Variants in LRIG1 observed in about 807,000 individuals in gnomAD.
The protein encoded by LRIG1 is leucine rich repeats and immunoglobulin like domains 1.
In LRIG1, 48 loss-of-function variants were observed where a neutral mutation model predicts 99.2. That is an observed-to-expected ratio of 0.48 (90% CI 0.38 to 0.62). The LOEUF is 0.62. LRIG1 is among the 20% of genes least tolerant of loss of function. The pLI, the probability that LRIG1 is intolerant of heterozygous loss-of-function variation, is 0.00. For missense variants in LRIG1, 1,646 were observed against 1,434.4 expected (o/e 1.15, Z -2.38); for synonymous variants, 772 against 596.1 (o/e 1.29, Z -4.30).
intron 1 of LRIG1, among the ~76,000 whole-genome samples, chr3:66,466,376 C>A (rs762123596): frequency 1.9e-4 from 29 of 152,164 alleles, no homozygotes; most frequent in Non-Finnish European, 3.2e-4. Flanking sequence ...AACTAATATT[C>A]CCATGTATGT....
intron 11 of LRIG1, 29 bp downstream of exon 11, chr3:66,398,083 A>G (rs1042961559): frequency 1.9e-6 from 3 of 1,568,532 alleles, no homozygotes; most frequent in Non-Finnish European, 2.6e-6. Flanking sequence ...CACTACCATT[A>G]ATCAGACCCA....
intron 15 of LRIG1, 95 bp downstream of exon 15, chr3:66,382,887 C>A (rs570777821): frequency 1.3e-4 from 147 of 1,143,496 alleles, no homozygotes; most frequent in Non-Finnish European, 1.8e-4. Context: ...GAACACAGTG[C>A]AATTCTTTCA....
intron 3 of LRIG1, among the ~76,000 whole-genome samples, chr3:66,443,379 T>C (rs1429188180): frequency 2.0e-5 from 3 of 147,200 alleles, no homozygotes; most frequent in African/African-American, 7.9e-5. Flanking sequence ...GGTGTGTGTG[T>C]GCACAAATTG....
At position 66,380,794 on chromosome 3, in the gene LRIG1, G is replaced by T; in HGVS notation, c.2838C>A (p.Ala946=). The part of the protein sequence containing the change: ...TEVDCYSRGQ[A]FHPQPVSRDS... ...CTCTGGACACAGGCTGGGGGTGGAA[G>T]GCTTGTCCCCTGGAGTAACAGTCCA... Residue 946 remains alanine (A), a synonymous_variant, in exon 18 of 19, where the codon GCC becomes GCA. Coordinates refer to ENST00000273261, the MANE Select transcript of LRIG1 (RefSeq NM_015541.3). 6.2e-7 allele frequency: 1 copy of T among 1,614,224 alleles called. No homozygotes were observed. The highest frequency in any genetic ancestry group is 8.5e-7 in the Non-Finnish European group (1 of 1,180,042).
chr3:66,414,905 G>T lies in LRIG1; in HGVS notation c.647+15C>A. ...TTTGGCTAGCCTTAATTAAAGTGTA[G>T]GTTTCTGTACTCACAGTTGTGTCAG... On this transcript the variant is annotated intron_variant, in intron 5 of 18. Coordinates refer to ENST00000273261, the MANE Select transcript of LRIG1 (RefSeq NM_015541.3). 1 of 1,567,162 alleles carries T rather than the reference G, an allele frequency of 6.4e-7. No homozygotes were observed. Among genetic ancestry groups the T allele is most frequent in the Non-Finnish European group, 8.6e-7 (1 of 1,159,958 alleles).
At chr3:66,493,156 T>C (rs1701143160) in intron 1 of LRIG1, among the ~76,000 whole-genome samples, 1 of 152,190 alleles carries the variant, frequency 6.6e-6, no homozygotes, top group Non-Finnish European at 1.5e-5. Context: ...GTCTGTAACT[T>C]AACCCTGTTT....
chr3:66,479,532 G>A (rs1700800313), intron 1 of LRIG1, among the ~76,000 whole-genome samples: 2 of 152,180 alleles, frequency 1.3e-5, no homozygotes, highest in African/African-American at 4.8e-5. Context: ...CTACCAACCA[G>A]GGGAATACCC....
At chr3:66,406,532 C>T (rs544537179) in intron 8 of LRIG1, 142 of 468,934 alleles carry the variant, frequency 3.0e-4, no homozygotes, top group African/African-American at 2.8e-3. Flanking sequence ...GGCCTCCCTC[C>T]CTGTCACACT....
At chr3:66,459,408 G>A (rs991017573) in intron 2 of LRIG1, among the ~76,000 whole-genome samples, 1 of 152,210 alleles carries the variant, frequency 6.6e-6, no homozygotes, top group African/African-American at 2.4e-5. Context: ...AAAGGACCTG[G>A]CCTCTGGCCA....
chr3:66,480,684 A>C (rs914169759), intron 1 of LRIG1, among the ~76,000 whole-genome samples: 1 of 152,188 alleles, frequency 6.6e-6, no homozygotes, highest in Non-Finnish European at 1.5e-5. Context: ...AGCTCTGTCC[A>C]TGAGTCCATC....
At chr3:66,435,197 A>G (rs1420984952) in intron 3 of LRIG1, among the ~76,000 whole-genome samples, 2 of 152,240 alleles carry the variant, frequency 1.3e-5, no homozygotes, top group Non-Finnish European at 2.9e-5. Flanking sequence ...AAGGTTATCC[A>G]TACTTTATTA....
At chr3:66,404,532 T>C (rs967680592) in intron 9 of LRIG1, 8 of 639,636 alleles carry the variant, frequency 1.3e-5, no homozygotes, top group Non-Finnish European at 1.7e-5. Context: ...AACAAGCAAA[T>C]CCTGAGCCTG....
chr3:66,381,156 T>C (rs894670290), intron 17 of LRIG1, among the ~76,000 whole-genome samples: 4 of 152,190 alleles, frequency 2.6e-5, no homozygotes, highest in Admixed American at 6.5e-5. Flanking sequence ...TTGGGTCTTT[T>C]CAACAATTAG....
chr3:66,479,962 G>A (rs1180077474), intron 1 of LRIG1, among the ~76,000 whole-genome samples: 1 of 152,158 alleles, frequency 6.6e-6, no homozygotes, highest in African/African-American at 2.4e-5. Flanking sequence ...TATGCCCGAG[G>A]TATATACTCA....
intron 2 of LRIG1, among the ~76,000 whole-genome samples, chr3:66,452,531 T>A (rs9818858): frequency 5.9e-5 from 9 of 152,154 alleles, no homozygotes; most frequent in African/African-American, 1.9e-4. Flanking sequence ...GGTGATGGGC[T>A]AGAAAGAAAT....
intron 5 of LRIG1, among the ~76,000 whole-genome samples, chr3:66,414,320 C>G (rs1256881640): frequency 6.6e-6 from 1 of 152,026 alleles, no homozygotes; most frequent in East Asian, 1.9e-4. Flanking sequence ...TGGTGTGAAC[C>G]CCGGGGGCGG....
At chr3:66,431,437 G>A (rs922750700) in intron 3 of LRIG1, among the ~76,000 whole-genome samples, 5 of 152,212 alleles carry the variant, frequency 3.3e-5, no homozygotes, top group African/African-American at 9.6e-5. Flanking sequence ...CACTACCCAC[G>A]TTGGAGGGTA....
chr3:66,411,715 T>TG (rs1193353827), intron 6 of LRIG1, among the ~76,000 whole-genome samples: 1 of 152,144 alleles, frequency 6.6e-6, no homozygotes, highest in African/African-American at 2.4e-5. Context: ...ATTCGAGTCA[T>TG]GATATAATTT....
chr3:66,411,554 G>C (rs1019016009), intron 6 of LRIG1, among the ~76,000 whole-genome samples: 2 of 152,334 alleles, frequency 1.3e-5, no homozygotes, highest in Non-Finnish European at 2.9e-5. Context: ...AGAATGGGTA[G>C]AGCAAGAAGC....
Sources: allele counts gnomAD v4.1 joint callset (sites outside exome capture counted in the v4.1 genomes callset), GRCh38; gene constraint gnomAD v4.1.1; transcripts MANE v1.5; gene names NCBI Gene and HGNC (gene_info 2026-07-23, HGNC 2026-07-21).